Variants in RICTOR observed in about 807,000 individuals in gnomAD.
The protein encoded by RICTOR is rapamycin-insensitive companion of mTOR.
A neutral mutation model predicts 214.9 loss-of-function variants in RICTOR; 49 were observed. The ratio of observed to expected loss-of-function variants is 0.23; its 90% CI spans 0.18 to 0.29. The LOEUF is 0.29. Among genes scored for constraint, RICTOR ranks in the 10% least tolerant of loss-of-function variants. The pLI is 1.00. For missense variants in RICTOR, 1,625 were observed against 2,047.0 expected, an observed-to-expected ratio of 0.79 and a Z score of 3.98; for synonymous variants, 717 against 711.3, an observed-to-expected ratio of 1.01 and a Z score of -0.13.
At chr5:39,049,873 A>G (rs954670659) in intron 2 of RICTOR, among the ~76,000 whole-genome samples, 3 of 152,188 alleles carry the variant, frequency 2.0e-5, no homozygotes, top group Non-Finnish European at 4.4e-5. Flanking sequence ...AACACATAAA[A>G]AAGTTTAACA....
intron 2 of RICTOR, among the ~76,000 whole-genome samples, chr5:39,028,375 G>A (rs966663934): frequency 1.5e-4 from 22 of 151,556 alleles, no homozygotes; most frequent in African/African-American, 5.1e-4. Context: ...GTAGAGACGG[G>A]GTTTCACCGT....
chr5:39,064,077 C>T lies in RICTOR; in HGVS notation c.97+10034G>A, dbSNP rs146702359. On this transcript the variant is annotated intron_variant, in intron 2 of 37. Coordinates refer to ENST00000357387, the MANE Select transcript of RICTOR (RefSeq NM_152756.5). ...CGAAGAATATACTTATATTTAGGTTCTCTTTCAACCCTATTACTTTGGGTA... is the reference window on the plus strand; with the variant it reads ...CGAAGAATATACTTATATTTAGGTTTTCTTTCAACCCTATTACTTTGGGTA... 3.5e-4 allele frequency among the ~76,000 whole-genome samples: 54 copies of T among 152,266 alleles called. No individual in the cohort carries two copies. In the East Asian group the frequency reaches 0.01, roughly 29 times the overall value.
At position 39,074,385 on chromosome 5, in the gene RICTOR, G is replaced by T; in HGVS notation, c.-8C>A. 1 of 1,537,496 alleles carries T rather than the reference G, an allele frequency of 6.5e-7. No individual in the cohort carries two copies. Among genetic ancestry groups the T allele is most frequent in the Non-Finnish European group, 8.8e-7 (1 of 1,141,104 alleles). On this transcript the variant is annotated 5_prime_UTR_variant, in exon 1 of 38. Coordinates refer to ENST00000357387, the MANE Select transcript of RICTOR (RefSeq NM_152756.5). ...GCGGCCGATCGCCGCCATATTGACG[G>T]GTTTCAGTCACAACACCGGAAACCT...
intron 2 of RICTOR, among the ~76,000 whole-genome samples, chr5:39,065,353 A>T (rs185533106): frequency 6.6e-6 from 1 of 152,176 alleles, no homozygotes; most frequent in African/African-American, 2.4e-5. Context: ...ATCCACTCCC[A>T]TGACCCAAAC....
At position 39,021,104 on chromosome 5, in the gene RICTOR, T is replaced by A. The variant is rs751784836; in HGVS notation, c.130A>T (p.Asn44Tyr). 1.8e-5 allele frequency: 28 copies of A among 1,599,626 alleles called. No individual in the cohort carries two copies. Among genetic ancestry groups the A allele is most frequent in the Non-Finnish European group, 2.2e-5 (26 of 1,167,054 alleles). The change falls in exon 3 of 38, where the codon AAT becomes TAT. Residue 44 changes from asparagine to tyrosine, a missense_variant. This residue lies in a region of RICTOR where 71 missense variants were observed against 57.9 expected (regional missense o/e 1.23). Transcript: ENST00000357387. Reference sequence around the variant, plus strand: ...GATACTCCCTGCAATCTGGCCACATTTTGGAGAATCTCTCTTAAGTTATCA... The same window carrying A: ...GATACTCCCTGCAATCTGGCCACATATTGGAGAATCTCTCTTAAGTTATCA... ...PSDNLREILQ[N>Y]VARLQGVSNM...
intron 2 of RICTOR, among the ~76,000 whole-genome samples, chr5:39,044,417 T>C (rs1042405184): frequency 2.6e-5 from 4 of 152,170 alleles, no homozygotes; most frequent in South Asian, 2.1e-4. Context: ...CTCTAGGTCA[T>C]ACCTGTGAAT....
chr5:39,060,445 C>T (rs988702621), intron 2 of RICTOR, among the ~76,000 whole-genome samples: 3 of 151,954 alleles, frequency 2.0e-5, no homozygotes, highest in African/African-American at 4.8e-5. Flanking sequence ...GGGATAATAA[C>T]TGCATTGTAA....
chr5:38,954,938 T>C (rs927609931), intron 26 of RICTOR, 77 bp from the exon 27 acceptor site: 2 of 686,388 alleles, frequency 2.9e-6, no homozygotes, highest in Non-Finnish European at 2.5e-6. Context: ...TTTTAATAAA[T>C]GTTTGATAAA....
At chr5:39,068,821 G>A (rs182840420) in intron 2 of RICTOR, among the ~76,000 whole-genome samples, 1 of 152,292 alleles carries the variant, frequency 6.6e-6, no homozygotes, top group East Asian at 1.9e-4. Flanking sequence ...AATAACAGAG[G>A]ATGGCGGAAA....
rs1747645270 is a variant in RICTOR at position 38,942,216 on chromosome 5, C to A, written c.*88G>T. 2 of 734,880 alleles carry A rather than the reference C, an allele frequency of 2.7e-6. No individual in the cohort carries two copies. The highest frequency in any genetic ancestry group is 4.6e-5 in the South Asian group (2 of 43,562). 45.5% of individuals were successfully genotyped at this position (734,880 alleles called of 1,614,324 possible). A position where few individuals can be genotyped will look rare whatever the true frequency, so the allele number is the denominator to read the frequency against. ...ACAGAAGATACTCCTGTCTTTGCTG[C>A]CTAGTCAGTCGTATTTTCTGAGGCT... On this transcript the variant is annotated 3_prime_UTR_variant, in exon 38 of 38. Coordinates refer to ENST00000357387, the MANE Select transcript of RICTOR (RefSeq NM_152756.5).
At chr5:39,006,604 C>G (rs1327588671) in intron 3 of RICTOR, among the ~76,000 whole-genome samples, 1 of 150,424 alleles carries the variant, frequency 6.6e-6, no homozygotes, top group Non-Finnish European at 1.5e-5. Flanking sequence ...TAAGAAAAAG[C>G]TGATAAAAGT....
chr5:38,954,920 CAA>C (rs1449826176), intron 26 of RICTOR, 59 bp from the exon 27 acceptor site: 6 of 779,086 alleles, frequency 7.7e-6, no homozygotes, highest in Non-Finnish European at 1.3e-5. Flanking sequence ...CTAATTAGAA[CAA>C]AAGAATTTTA....
At chr5:39,037,305 C>T (rs1472038115) in intron 2 of RICTOR, among the ~76,000 whole-genome samples, 2 of 151,932 alleles carry the variant, frequency 1.3e-5, no homozygotes, top group East Asian at 1.9e-4. Flanking sequence ...ATCTCTGGGA[C>T]ACATTCAAAG....
At chr5:39,011,529 G>A (rs928933543) in intron 3 of RICTOR, among the ~76,000 whole-genome samples, 3 of 152,134 alleles carry the variant, frequency 2.0e-5, no homozygotes, top group African/African-American at 2.4e-5. Flanking sequence ...TGCACTGGGC[G>A]CCTGGAAAAG....
intron 2 of RICTOR, among the ~76,000 whole-genome samples, chr5:39,070,684 G>A (rs1759256885): frequency 6.6e-6 from 1 of 152,020 alleles, no homozygotes; most frequent in East Asian, 1.9e-4. Context: ...CATATTCTGG[G>A]AATTCACTTT....
At chr5:39,026,272 G>A (rs1263497952) in intron 2 of RICTOR, among the ~76,000 whole-genome samples, 5 of 152,144 alleles carry the variant, frequency 3.3e-5, no homozygotes, top group African/African-American at 1.2e-4. Flanking sequence ...GAGCCCAGGA[G>A]GTTAAGGCTG....
chr5:39,034,617 T>C (rs1385839998), intron 2 of RICTOR, among the ~76,000 whole-genome samples: 1 of 152,216 alleles, frequency 6.6e-6, no homozygotes, highest in Non-Finnish European at 1.5e-5. Context: ...ACTCACACCC[T>C]AATACTGCGC....
At chr5:38,964,644 A>G (rs975138762) in intron 16 of RICTOR, 148 bp downstream of exon 16, 20 of 446,414 alleles carry the variant, frequency 4.5e-5, no homozygotes, top group African/African-American at 4.1e-4. Flanking sequence ...AAATATTTTT[A>G]GAACTATTAA....
intron 31 of RICTOR, 60 bp from the exon 32 acceptor site, chr5:38,947,501 G>A: frequency 8.1e-7 from 1 of 1,238,990 alleles, no homozygotes; most frequent in Non-Finnish European, 1.2e-6. Context: ...TTAATCATAT[G>A]AAGAAATAAC....
Sources: gnomAD v4.1 joint callset for allele counts (sites outside exome capture counted in the v4.1 genomes callset) on GRCh38, gnomAD v4.1.1 for gene constraint, gnomAD v4.1.1 regional missense constraint, MANE v1.5 for transcripts, NCBI Gene and HGNC (gene_info 2026-07-23, HGNC 2026-07-21) for gene names.